SYNE1: variants seen among roughly 807,000 people sequenced by gnomAD.
The protein encoded by SYNE1 is nesprin-1.
A neutral mutation model predicts 1,111.0 loss-of-function variants in SYNE1; 616 were observed. That is an observed-to-expected ratio of 0.55 (90% CI 0.52 to 0.59). The LOEUF (loss-of-function observed/expected upper bound fraction) is 0.59, where lower values mean the gene tolerates loss of function less well. Ranked by LOEUF, SYNE1 falls within the 20% of genes least tolerant of loss-of-function variation. The pLI is 0.00. For synonymous variants in SYNE1, 3,855 were observed against 3,825.8 expected (o/e 1.01, Z -0.28); for missense variants, 10,006 against 10,417.0 (o/e 0.96, Z 1.72).
At chr6:152,395,397 C>T (rs2097716576) in intron 51 of SYNE1, 119 bp downstream of exon 51, 2 of 1,003,894 alleles carry the variant, frequency 2.0e-6, no homozygotes, top group Non-Finnish European at 3.0e-6. Flanking sequence ...CATTCAAGGA[C>T]AGCACAAACC....
At chr6:152,218,959 G>T (rs2181895) in intron 120 of SYNE1, 44 bp downstream of exon 120, 1 of 1,587,414 alleles carries the variant, frequency 6.3e-7, no homozygotes, top group Non-Finnish European at 8.6e-7. Flanking sequence ...CCAGATATTA[G>T]AGAACAGCCA....
chr6:152,140,126 C>T lies in SYNE1; in HGVS notation c.25282G>A (p.Ala8428Thr). Residue 8428 changes from alanine (A) to threonine (T), a missense_variant, in exon 140 of 146, where the codon GCA (alanine) becomes ACA (threonine). Physicochemically the swap from Ala to Thr is moderately conservative, Grantham distance 58. Coordinates refer to ENST00000367255, the MANE Select transcript of SYNE1 (RefSeq NM_182961.4). ...IDRWELLQAQ[A>T]LSKELRMKQN... ...TTCATCCTCAACTCCTTGCTCAATG[C>T]CTGGGCCTGGAGAAGCTCCCATCGG... The T allele has an allele frequency of 6.2e-7, 1 of 1,614,196 alleles. No individual in the cohort carries two copies. The highest frequency in any genetic ancestry group is 8.5e-7 in the Non-Finnish European group (1 of 1,180,044).
At chr6:152,577,428 T>C (rs4870115) in intron 3 of SYNE1, among the ~76,000 whole-genome samples, 106,401 of 152,108 alleles carry the variant, frequency 0.7, 38,340 homozygotes, top group African/African-American at 0.87. Flanking sequence ...GTCAGGAGAT[T>C]GAGACCATTC....
chr6:152,610,327 G>A (rs2128776855), intron 3 of SYNE1, among the ~76,000 whole-genome samples: 1 of 152,302 alleles, frequency 6.6e-6, no homozygotes, highest in Middle Eastern at 3.4e-3. Flanking sequence ...GAAAACCATG[G>A]CATGAGAACT....
rs758301679 is a variant in SYNE1, at chr6:152,331,778, T to C, written c.12907A>G (p.Ile4303Val). 3 of 1,614,200 alleles carry C rather than the reference T, an allele frequency of 1.9e-6. No individual in the cohort carries two copies. The East Asian group carries it at 6.7e-5, about 36-fold the overall frequency. The change falls in exon 78 of 146, where the codon ATA (isoleucine) becomes GTA (valine). Residue 4303 changes from isoleucine to valine, a missense_variant. Physicochemically the swap from Ile to Val is conservative, Grantham distance 29. Coordinates refer to ENST00000367255, the MANE Select transcript of SYNE1 (RefSeq NM_182961.4). ...EDLKDQKQKM[I>V]EHLNLDDKEL... is the part of the protein sequence containing the mutation. ...TTGTCATCTAAATTCAGATGCTCTA[T>C]CATTTTCTGCTTTTGATCTTTCAGA...
chr6:152,552,227 A>G (rs2128143206), intron 3 of SYNE1, among the ~76,000 whole-genome samples: 1 of 152,298 alleles, frequency 6.6e-6, no homozygotes, highest in South Asian at 2.1e-4. Context: ...TCTCAAACAA[A>G]CATGACTGTT....
chr6:152,327,480 T>C (rs987115738), intron 78 of SYNE1, among the ~76,000 whole-genome samples: 2 of 151,962 alleles, frequency 1.3e-5, no homozygotes, highest in Admixed American at 6.6e-5. Context: ...TCCATTCAAT[T>C]CCAGAAGGAA....
chr6:152,165,701 G>T (rs2063508189), intron 130 of SYNE1, among the ~76,000 whole-genome samples: 2 of 152,064 alleles, frequency 1.3e-5, no homozygotes, highest in African/African-American at 4.8e-5. Context: ...AATACAAATT[G>T]TACCCTGTCC....
At chr6:152,173,537 A>C (rs1472835474) in intron 130 of SYNE1, among the ~76,000 whole-genome samples, 1 of 152,202 alleles carries the variant, frequency 6.6e-6, no homozygotes, top group Non-Finnish European at 1.5e-5. Context: ...ACAGTTGAGG[A>C]TGGGTGTGGG....
chr6:152,472,611 T>C (rs779938590), intron 14 of SYNE1, 198 bp from the exon 15 acceptor site: 1 of 703,806 alleles, frequency 1.4e-6, no homozygotes, highest in Non-Finnish European at 2.6e-6. Flanking sequence ...AACACTATGC[T>C]GGAACTGCAT....
intron 98 of SYNE1, among the ~76,000 whole-genome samples, chr6:152,274,626 C>A (rs937719343): frequency 3.3e-5 from 5 of 152,080 alleles, no homozygotes; most frequent in African/African-American, 9.7e-5. Flanking sequence ...GATGGAGTTT[C>A]ACTCCTGTTG....
intron 3 of SYNE1, among the ~76,000 whole-genome samples, chr6:152,545,490 G>T (rs956122557): frequency 6.6e-6 from 1 of 152,148 alleles, no homozygotes; most frequent in East Asian, 1.9e-4. Context: ...TAAGAAAGGA[G>T]AATCACTTGA....
intron 84 of SYNE1, 50 bp downstream of exon 84, chr6:152,321,188 T>C (rs779648101): frequency 7.5e-6 from 12 of 1,606,098 alleles, no homozygotes; most frequent in Non-Finnish European, 1.0e-5. Flanking sequence ...ACAAGAGGAC[T>C]GACCCTATAA....
intron 55 of SYNE1, among the ~76,000 whole-genome samples, chr6:152,384,597 C>G (rs983433731): frequency 6.6e-6 from 1 of 152,084 alleles, no homozygotes; most frequent in Non-Finnish European, 1.5e-5. Context: ...CTTCAGGGAC[C>G]GGGCACCATG....
chr6:152,347,914 T>A (rs928192658), intron 72 of SYNE1, among the ~76,000 whole-genome samples: 17 of 151,604 alleles, frequency 1.1e-4, no homozygotes, highest in Admixed American at 1.1e-3. Context: ...GGTCTTGAAC[T>A]CCTGACCTCA....
chr6:152,540,365 A>T (rs975110095), intron 3 of SYNE1, among the ~76,000 whole-genome samples: 4 of 152,352 alleles, frequency 2.6e-5, no homozygotes, highest in Middle Eastern at 3.4e-3. Flanking sequence ...TGCTAAGTGC[A>T]AAGGAATACA....
intron 4 of SYNE1, among the ~76,000 whole-genome samples, chr6:152,537,549 T>C (rs187170970): frequency 2.1e-4 from 32 of 152,264 alleles, no homozygotes; most frequent in African/African-American, 6.0e-4. Context: ...GCTATCATAA[T>C]ATTTATAAAG....
At chr6:152,194,028 G>A (rs1420144368) in intron 127 of SYNE1, among the ~76,000 whole-genome samples, 4 of 149,386 alleles carry the variant, frequency 2.7e-5, no homozygotes, top group Non-Finnish European at 5.9e-5. Context: ...AAAAAAAAAG[G>A]TATAGCTTAT....
chr6:152,581,207 T>G (rs550404385), intron 3 of SYNE1, among the ~76,000 whole-genome samples: 44 of 152,254 alleles, frequency 2.9e-4, no homozygotes, highest in Middle Eastern at 3.4e-3. Flanking sequence ...GGCTAAACCA[T>G]GTATGGGCCT....
Sources: allele counts gnomAD v4.1 joint callset (sites outside exome capture counted in the v4.1 genomes callset), GRCh38; gene constraint gnomAD v4.1.1; transcripts MANE v1.5; gene names NCBI Gene and HGNC (gene_info 2026-07-23, HGNC 2026-07-21).